The following EPHB2 variants were observed in gnomAD, a reference collection of about 807,000 sequenced individuals.
EPHB2 encodes ephrin type-B receptor 2.
EPHB2 carries 18 observed loss-of-function variants against 96.4 expected under a neutral mutation model. The ratio of observed to expected loss-of-function variants is 0.19; its 90% CI spans 0.13 to 0.28. EPHB2 has a LOEUF of 0.28. Among genes scored for constraint, EPHB2 ranks in the 10% least tolerant of loss-of-function variants. The probability of loss-of-function intolerance (pLI) is 1.00; values close to 1 mark genes in which losing one functional copy is unlikely to be tolerated. For missense variants in EPHB2, 989 were observed against 1,355.4 expected, an observed-to-expected ratio of 0.73 and a Z score of 4.25; for synonymous variants, 506 against 534.1, an observed-to-expected ratio of 0.95 and a Z score of 0.72.
intron 1 of EPHB2, among the ~76,000 whole-genome samples, chr1:22,757,358 C>T (rs1644167435): frequency 6.6e-6 from 1 of 151,942 alleles, no homozygotes; most frequent in South Asian, 2.1e-4. Context: ...GGAGGGTTTC[C>T]CAAAGGTGGC....
At chr1:22,820,019 T>A (rs1039847833) in intron 3 of EPHB2, among the ~76,000 whole-genome samples, 2 of 152,018 alleles carry the variant, frequency 1.3e-5, no homozygotes, top group African/African-American at 2.4e-5. Context: ...CTCCCATTTC[T>A]CCAGCAGTAA....
rs772225772 is a variant in EPHB2, at chr1:22,893,041, C to T, written c.1586C>T (p.Thr529Ile). 16 of 1,614,234 alleles carry T rather than the reference C, an allele frequency of 9.9e-6. No homozygotes were observed. The highest frequency in any genetic ancestry group is 1.4e-5 in the Non-Finnish European group (16 of 1,180,056). Residue 529 changes from threonine to isoleucine, a missense_variant, in exon 7 of 16, where the codon ACA becomes ATA. Transcript: ENST00000374630. ...GGCAAGATGTACTTCCAGACCATGA[C>T]AGAAGGTGAGCAGAGTCCAGCGGGC... is the stretch of plus-strand genomic sequence containing the variant. The part of the protein sequence containing the change: ...YSGKMYFQTM[T>I]EAEYQTSIQE...
chr1:22,789,919 C>A (rs944631478), intron 3 of EPHB2, among the ~76,000 whole-genome samples: 12 of 152,116 alleles, frequency 7.9e-5, no homozygotes, highest in African/African-American at 2.7e-4. Context: ...CCCTGAGAAA[C>A]CCTGACACTC....
At chr1:22,724,251 T>C (rs530810740) in intron 1 of EPHB2, among the ~76,000 whole-genome samples, 25 of 152,256 alleles carry the variant, frequency 1.6e-4, no homozygotes, top group South Asian at 1.0e-3. Context: ...TGTGTGTGTG[T>C]GCGTGTGTAA....
chr1:22,711,144 C>A (rs538857563), intron 1 of EPHB2, 101 bp downstream of exon 1: 3 of 145,746 alleles, frequency 2.1e-5, no homozygotes, highest in South Asian at 1.9e-4. Flanking sequence ...AAAGTTTGCC[C>A]GGGGGCCGGC....
intron 9 of EPHB2, among the ~76,000 whole-genome samples, chr1:22,903,716 C>G (rs899558241): frequency 6.6e-6 from 1 of 152,176 alleles, no homozygotes; most frequent in East Asian, 1.9e-4. Context: ...GCACAAAGGG[C>G]TCAGTAAGTG....
chr1:22,769,914 C>T (rs748465645), intron 1 of EPHB2, among the ~76,000 whole-genome samples: 1 of 152,078 alleles, frequency 6.6e-6, no homozygotes, highest in South Asian at 2.1e-4. Flanking sequence ...GGGAAAAAAC[C>T]GAAGTGGGAT....
intron 3 of EPHB2, among the ~76,000 whole-genome samples, chr1:22,852,597 G>A (rs1387163480): frequency 3.3e-5 from 5 of 152,170 alleles, no homozygotes; most frequent in African/African-American, 7.2e-5. Flanking sequence ...GGGGCAATGC[G>A]GGGGTCCAGG....
chr1:22,889,971 G>A (rs954558861), intron 6 of EPHB2, among the ~76,000 whole-genome samples: 2 of 152,126 alleles, frequency 1.3e-5, no homozygotes, highest in African/African-American at 4.8e-5. Flanking sequence ...TGCTAAATCT[G>A]GCAGCTCTAC....
chr1:22,830,280 C>T (rs990324153), intron 3 of EPHB2, among the ~76,000 whole-genome samples: 3 of 152,142 alleles, frequency 2.0e-5, no homozygotes, highest in Admixed American at 6.5e-5. Context: ...AGGGGCGGTT[C>T]GCAGACACTG....
chr1:22,797,228 G>C lies in EPHB2; in HGVS notation c.811+12152G>C, dbSNP rs114590452. 8.2e-3 allele frequency among the ~76,000 whole-genome samples: 1,255 copies of C among 152,276 alleles called. 16 individuals are homozygous for C. The highest frequency in any genetic ancestry group is 0.029 in the African/African-American group (1,187 of 41,554). On this transcript the variant is annotated intron_variant, in intron 3 of 15. Coordinates refer to ENST00000374630, the MANE Select transcript of EPHB2 (RefSeq NM_017449.5). ...CGTTCCTAGGGCTCATGAACACATT[G>C]ATATCAGACATTCGTCCCCTTCATT...
rs538993131 is a variant in EPHB2, at chr1:22,762,081, G to A, written c.62-19340G>A. 9.3e-4 allele frequency among the ~76,000 whole-genome samples: 142 copies of A among 152,282 alleles called. 1 individual carries two copies. The highest frequency in any genetic ancestry group is 5.3e-4 in the Non-Finnish European group (36 of 68,000). On this transcript the variant is annotated intron_variant, in intron 1 of 15. Coordinates refer to ENST00000374630, the MANE Select transcript of EPHB2 (RefSeq NM_017449.5). ...GGCTCTGAGGCCTGCTGTGGCAGAC[G>A]CCCAGCCTGCCTCCCCCTCCTCCCA...
At chr1:22,849,823 A>T (rs369368044) in intron 3 of EPHB2, among the ~76,000 whole-genome samples, 21 of 152,310 alleles carry the variant, frequency 1.4e-4, no homozygotes, top group African/African-American at 5.1e-4. Flanking sequence ...CTGGCCTGGA[A>T]AAAAAACTGC....
rs186092187 is a variant in EPHB2, at chr1:22,791,345, A to G, written c.811+6269A>G. 3.3e-5 allele frequency among the ~76,000 whole-genome samples: 5 copies of G among 152,274 alleles called. No homozygotes were observed. The East Asian group carries it at 9.6e-4, about 29-fold the overall frequency. On this transcript the variant is annotated intron_variant, in intron 3 of 15. Transcript: ENST00000374630. ...ATCATCCAGAAATAAGCACTGTGAA[A>G]CAAACTGGTATAGGTTCTTCCAGGT...
At chr1:22,876,646 G>A (rs1638846410) in intron 5 of EPHB2, among the ~76,000 whole-genome samples, 1 of 152,194 alleles carries the variant, frequency 6.6e-6, no homozygotes, top group East Asian at 1.9e-4. Context: ...CCCCCTGTCA[G>A]CGTGCCCGGC....
intron 9 of EPHB2, among the ~76,000 whole-genome samples, chr1:22,897,906 C>A (rs1275245875): frequency 6.6e-6 from 1 of 152,124 alleles, no homozygotes. Flanking sequence ...TCAAGACCAG[C>A]CTGGGAAACA....
chr1:22,712,702 T>G (rs1383984560), intron 1 of EPHB2, among the ~76,000 whole-genome samples: 1 of 152,094 alleles, frequency 6.6e-6, no homozygotes, highest in Non-Finnish European at 1.5e-5. Context: ...GCACCTAGGG[T>G]GCCACGGGCC....
chr1:22,833,179 G>T (rs1019836717), intron 3 of EPHB2, among the ~76,000 whole-genome samples: 1 of 151,810 alleles, frequency 6.6e-6, no homozygotes, highest in Non-Finnish European at 1.5e-5. Flanking sequence ...GTTCAGTGGC[G>T]CAGTCTCGGC....
chr1:22,896,267 C>G lies in EPHB2; in HGVS notation c.1701-147C>G, dbSNP rs537658637. On this transcript the variant is annotated intron_variant, in intron 8 of 15. Coordinates refer to ENST00000374630, the MANE Select transcript of EPHB2 (RefSeq NM_017449.5). ...TTGAGGTGGGAGGAGTGGGAAGGGA[C>G]AAGTGGGGCCAAAAGGGGCAGGCAG... 287 of 890,038 alleles carry G rather than the reference C, an allele frequency of 3.2e-4. 4 individuals are homozygous for G. In the South Asian group the frequency reaches 4.2e-3, roughly 13 times the overall value. The allele number at this position is 890,038 out of a possible 1,614,324, so 55.1% of individuals were successfully genotyped here.
Sources: allele counts gnomAD v4.1 joint callset (sites outside exome capture counted in the v4.1 genomes callset), GRCh38; gene constraint gnomAD v4.1.1; transcripts MANE v1.5; gene names NCBI Gene and HGNC (gene_info 2026-07-23, HGNC 2026-07-21).